UNC13B: variants seen among roughly 807,000 people sequenced by gnomAD.
The protein encoded by UNC13B is unc-13 homolog B.
UNC13B carries 144 observed loss-of-function variants against 211.0 expected under a neutral mutation model. That is an observed-to-expected ratio of 0.68 (90% CI 0.60 to 0.78). The LOEUF (loss-of-function observed/expected upper bound fraction) is 0.78. UNC13B is among the 30% of genes least tolerant of loss of function. The pLI, the probability that UNC13B is intolerant of heterozygous loss-of-function variation, is 0.00. For synonymous variants in UNC13B, 709 were observed against 725.8 expected, an observed-to-expected ratio of 0.98 and a Z score of 0.37; for missense variants, 1,777 against 2,002.0, an observed-to-expected ratio of 0.89 and a Z score of 2.14.
Position 35,396,881 on chromosome 9 carries a change from G to A in UNC13B, c.11476G>A (p.Glu3826Lys). ...QFVLQWLDEN[E>K]DVSLEFLRGA... ...CGTGCTACAATGGCTGGATGAGAAT[G>A]AGGATGTATCCCTGGAATTCCTGCG... Residue 3826 changes from glutamate to lysine, a missense_variant, in exon 28 of 40, where the codon GAG (glutamate) becomes AAG (lysine). Coordinates refer to ENST00000635942, the MANE Select transcript of UNC13B (RefSeq NM_001371189.2). 6.2e-7 allele frequency: 1 copy of A among 1,614,208 alleles called. No homozygotes were observed. Among genetic ancestry groups the A allele is most frequent in the Non-Finnish European group, 8.5e-7 (1 of 1,180,044 alleles).
chr9:35,328,466 A>G (rs1001169972), intron 11 of UNC13B, among the ~76,000 whole-genome samples: 5 of 152,164 alleles, frequency 3.3e-5, no homozygotes, highest in Non-Finnish European at 7.3e-5. Context: ...CAGAGTAGGG[A>G]TGAAAGCTGA....
At chr9:35,246,833 G>T (rs1233175482) in intron 6 of UNC13B, among the ~76,000 whole-genome samples, 1 of 152,122 alleles carries the variant, frequency 6.6e-6, no homozygotes, top group African/African-American at 2.4e-5. Flanking sequence ...TGGCAATGTG[G>T]GCTCTTTTTT....
At chr9:35,201,803 T>C (rs1823313230) in intron 1 of UNC13B, among the ~76,000 whole-genome samples, 1 of 150,896 alleles carries the variant, frequency 6.6e-6, no homozygotes. Context: ...GATTCATTGA[T>C]TTTTTTTTGA....
In UNC13B at chr9:35,295,795, C is replaced by T. The variant is rs1829324525; in HGVS notation, c.626C>T (p.Pro209Leu). ...FPPPYHTASQ[P>L]NASVHQFPVP... ...CCTCCTTACCATACAGCTTCCCAGC[C>T]CAACGCTTCTGTGCACCAGTTCCCT... The change falls in exon 8 of 40, where the codon CCC becomes CTC. Residue 209 changes from proline (P) to leucine (L), a missense_variant. Pro to Leu is a moderately conservative substitution (Grantham distance 98). Transcript: ENST00000635942. 1 of 1,614,160 alleles carries T rather than the reference C, an allele frequency of 6.2e-7. No homozygotes were observed. Among genetic ancestry groups the T allele is most frequent in the East Asian group, 2.2e-5 (1 of 44,888 alleles).
intron 1 of UNC13B, among the ~76,000 whole-genome samples, chr9:35,187,368 A>G (rs1236794001): frequency 6.6e-6 from 1 of 152,158 alleles, no homozygotes; most frequent in Non-Finnish European, 1.5e-5. Context: ...TGTTTCTTCC[A>G]GGCTTCAGGA....
At chr9:35,270,400 A>ATATATACACACATGTG (rs894810752) in intron 7 of UNC13B, among the ~76,000 whole-genome samples, 121 of 152,222 alleles carry the variant, frequency 7.9e-4, no homozygotes, top group Non-Finnish European at 2.9e-4. Context: ...ATATATACAC[A>ATATATACACACATGTG]TATATACACA....
At chr9:35,391,235 A>G (rs1401726820) in intron 26 of UNC13B, among the ~76,000 whole-genome samples, 33 of 152,172 alleles carry the variant, frequency 2.2e-4, no homozygotes, top group Admixed American at 2.2e-3. Flanking sequence ...CATCTTACTC[A>G]TTCAGCTTGT....
chr9:35,344,478 T>G (rs1832228515), intron 11 of UNC13B, among the ~76,000 whole-genome samples: 1 of 152,160 alleles, frequency 6.6e-6, no homozygotes, highest in Non-Finnish European at 1.5e-5. Context: ...ATCAATTCAT[T>G]TATGCTTTCC....
In UNC13B at chr9:35,236,604, C is replaced by T. The variant is rs764482539; in HGVS notation, c.270+18C>T. 1.9e-5 allele frequency: 31 copies of T among 1,606,640 alleles called. No homozygotes were observed. In the Middle Eastern group the frequency reaches 6.6e-4, roughly 34 times the overall value. On this transcript the variant is annotated intron_variant, in intron 4 of 39. Transcript: ENST00000635942. ...CGGATGAGGTCAGTCATTGCATTTTCTGTTTGGAAGTATGGTTCCCAGCCC... is the reference window on the plus strand; with the variant it reads ...CGGATGAGGTCAGTCATTGCATTTTTTGTTTGGAAGTATGGTTCCCAGCCC...
chr9:35,239,644 C>G (rs372818711), intron 5 of UNC13B, among the ~76,000 whole-genome samples: 1 of 152,172 alleles, frequency 6.6e-6, no homozygotes, highest in Admixed American at 6.5e-5. Flanking sequence ...GGGAGCACTA[C>G]AGGAGACCAG....
At chr9:35,249,448 C>T (rs1826321877) in intron 6 of UNC13B, among the ~76,000 whole-genome samples, 1 of 152,148 alleles carries the variant, frequency 6.6e-6, no homozygotes, top group South Asian at 2.1e-4. Context: ...TTCTTCCTAG[C>T]ATCGATGGTC....
At chr9:35,267,538 A>T (rs1015233734) in intron 7 of UNC13B, among the ~76,000 whole-genome samples, 2 of 152,224 alleles carry the variant, frequency 1.3e-5, no homozygotes, top group African/African-American at 2.4e-5. Context: ...AGCAGTCTTC[A>T]TGGGACAGGG....
intron 7 of UNC13B, among the ~76,000 whole-genome samples, chr9:35,264,799 G>T (rs1827474994): frequency 1.3e-5 from 2 of 152,172 alleles, no homozygotes; most frequent in Non-Finnish European, 2.9e-5. Flanking sequence ...TTGAGTCTTA[G>T]ATCTAATGGA....
At chr9:35,345,450 G>T (rs1832292226) in intron 11 of UNC13B, among the ~76,000 whole-genome samples, 1 of 152,174 alleles carries the variant, frequency 6.6e-6, no homozygotes, top group Admixed American at 6.5e-5. Context: ...GATATCAGGG[G>T]TAGGGGATAA....
At chr9:35,275,737 C>T (rs1031604323) in intron 7 of UNC13B, among the ~76,000 whole-genome samples, 1 of 151,952 alleles carries the variant, frequency 6.6e-6, no homozygotes, top group African/African-American at 2.4e-5. Context: ...GGATTACAGG[C>T]GCCTGCAACC....
At chr9:35,241,417 T>A (rs1474889064) in intron 5 of UNC13B, among the ~76,000 whole-genome samples, 3 of 152,294 alleles carry the variant, frequency 2.0e-5, no homozygotes, top group East Asian at 3.9e-4. Flanking sequence ...ACTATTTTTG[T>A]GGAATGAGGC....
chr9:35,311,110 G>T (rs1273800445), intron 10 of UNC13B, among the ~76,000 whole-genome samples: 1 of 152,132 alleles, frequency 6.6e-6, no homozygotes, highest in African/African-American at 2.4e-5. Flanking sequence ...GAGTAGCTGG[G>T]ACTACTAGGT....
At chr9:35,173,657 C>A (rs1201667560) in intron 1 of UNC13B, among the ~76,000 whole-genome samples, 1 of 152,082 alleles carries the variant, frequency 6.6e-6, no homozygotes, top group African/African-American at 2.4e-5. Flanking sequence ...CTCTTGAGCT[C>A]ATGTAATCCG....
At chr9:35,200,448 T>C (rs2131373633) in intron 1 of UNC13B, among the ~76,000 whole-genome samples, 1 of 152,368 alleles carries the variant, frequency 6.6e-6, no homozygotes, top group South Asian at 2.1e-4. Context: ...TTTCACAATA[T>C]TCATTCTTCC....
Sources: gnomAD v4.1 joint callset for allele counts (sites outside exome capture counted in the v4.1 genomes callset) on GRCh38, gnomAD v4.1.1 for gene constraint, MANE v1.5 for transcripts, NCBI Gene and HGNC (gene_info 2026-07-23, HGNC 2026-07-21) for gene names.